The following ALOX12B variants were observed in gnomAD, a reference collection of about 807,000 sequenced individuals.
ALOX12B encodes the protein arachidonate 12-lipoxygenase, 12R type.
In ALOX12B, 47 loss-of-function variants were observed where a neutral mutation model predicts 78.9. The ratio of observed to expected loss-of-function variants is 0.60; its 90% CI spans 0.47 to 0.76. The LOEUF (loss-of-function observed/expected upper bound fraction) is 0.76, where lower values mean the gene tolerates loss of function less well. Among genes scored for constraint, ALOX12B ranks in the 30% least tolerant of loss-of-function variants. The pLI is 0.00. For synonymous variants in ALOX12B, 370 were observed against 374.5 expected (o/e 0.99, Z 0.14); for missense variants, 805 against 922.6 (o/e 0.87, Z 1.65).
In ALOX12B at chr17:8,073,732, C is replaced by T. The variant is rs1977028706; in HGVS notation, c.1680G>A (p.Val560=). 6.2e-7 allele frequency: 1 copy of T among 1,614,106 alleles called. No individual in the cohort carries two copies. Among genetic ancestry groups the T allele is most frequent in the African/African-American group, 1.3e-5 (1 of 75,048 alleles). Residue 560 remains valine, a synonymous_variant, in exon 13 of 15, where the codon GTG becomes GTA. Coordinates refer to ENST00000647874, the MANE Select transcript of ALOX12B (RefSeq NM_001139.3). The part of the protein sequence containing the change: ...SSGFPRCLRT[V]PELIRYVTIV... Reference sequence around the variant, plus strand: ...TAGTGACATATCGGATCAGCTCAGGCACGGTTCGCAAGCACCTAGGGAAGC... The same window carrying T: ...TAGTGACATATCGGATCAGCTCAGGTACGGTTCGCAAGCACCTAGGGAAGC...
intron 10 of ALOX12B, 58 bp from the exon 11 acceptor site, chr17:8,076,402 T>A (rs1977083893): frequency 6.5e-7 from 1 of 1,540,358 alleles, no homozygotes; most frequent in Admixed American, 2.0e-5. Flanking sequence ...CCCCTTCAGG[T>A]CCTCTAGGAT....
At chr17:8,081,884 C>A (rs575018633) in intron 2 of ALOX12B, among the ~76,000 whole-genome samples, 53 of 152,308 alleles carry the variant, frequency 3.5e-4, no homozygotes, top group African/African-American at 1.3e-3. Context: ...CTCAGGTCAT[C>A]TGCACGCCTC....
Position 8,079,597 on chromosome 17 carries a change from G to A in ALOX12B, c.928-58C>T. On this transcript the variant is annotated intron_variant, in intron 7 of 14. Coordinates refer to ENST00000647874, the MANE Select transcript of ALOX12B (RefSeq NM_001139.3). The surrounding 1 kb of genome is among the most constrained non-coding windows in gnomAD (Gnocchi z 6.4). The stretch of plus-strand genomic sequence containing the variant: ...CACCCACACGGGAAGCCCGTGACCC[G>A]CGCCGCAGGTGCACAGGGCGCTGGC... 3.2e-6 allele frequency: 5 copies of A among 1,544,738 alleles called. No homozygotes were observed. The highest frequency in any genetic ancestry group is 1.4e-5 in the African/African-American group (1 of 73,068).
At chr17:8,086,991 T>C (rs59079614) in intron 1 of ALOX12B, among the ~76,000 whole-genome samples, 4 of 151,708 alleles carry the variant, frequency 2.6e-5, no homozygotes, top group African/African-American at 9.7e-5. Context: ...AGATGAGGAA[T>C]GCCTGAAAGG....
chr17:8,075,803 A>G, intron 11 of ALOX12B, 87 bp from the exon 12 acceptor site: 3 of 1,609,730 alleles, frequency 1.9e-6, no homozygotes, highest in Non-Finnish European at 2.5e-6. Context: ...GGGTGCCCTG[A>G]CCTCAGTTGG....
chr17:8,084,744 G>C (rs1183868798), intron 2 of ALOX12B, among the ~76,000 whole-genome samples: 2 of 152,202 alleles, frequency 1.3e-5, no homozygotes, highest in Admixed American at 1.3e-4. Context: ...AGGGAGGATG[G>C]GGCTTCGGGC....
rs1384387066 is a variant in ALOX12B, at chr17:8,079,692, C to T, written c.927+77G>A. ...GCTTGCCTGGGACTGGCGCGGGCGC[C>T]GGAGGTGGGGAGAGACGGGGATGCC... is the stretch of plus-strand genomic sequence containing the variant. On this transcript the variant is annotated intron_variant, in intron 7 of 14. Coordinates refer to ENST00000647874, the MANE Select transcript of ALOX12B (RefSeq NM_001139.3). This position sits in a 1 kb window ranked among gnomAD's most constrained non-coding sequence, Gnocchi z 6.4. The T allele has an allele frequency of 6.4e-7, 1 of 1,553,868 alleles. No individual in the cohort carries two copies. Among genetic ancestry groups the T allele is most frequent in the Non-Finnish European group, 8.7e-7 (1 of 1,149,454 alleles).
Position 8,080,117 on chromosome 17 carries a change from A to G in ALOX12B, c.754+118T>C. 1.4e-6 allele frequency: 2 copies of G among 1,468,070 alleles called. No individual in the cohort carries two copies. The highest frequency in any genetic ancestry group is 1.9e-6 in the Non-Finnish European group (2 of 1,049,328). 90.9% of individuals were successfully genotyped at this position (1,468,070 alleles called of 1,614,324 possible). ...GCGACATTTTCCAAGAAGCCGCCAG[A>G]GGGCGCGCGCGCGCCTCGCTGCCTC... On this transcript the variant is annotated intron_variant, in intron 6 of 14. Transcript: ENST00000647874. This position sits in a 1 kb window ranked among gnomAD's most constrained non-coding sequence, Gnocchi z 4.8.
chr17:8,076,893 A>C, intron 9 of ALOX12B, 97 bp downstream of exon 9: 1 of 1,453,172 alleles, frequency 6.9e-7, no homozygotes, highest in South Asian at 1.2e-5. Context: ...CCCCAGGCTG[A>C]CTGGAGTCTC....
intron 11 of ALOX12B, 137 bp from the exon 12 acceptor site, chr17:8,075,853 T>A: frequency 7.0e-7 from 1 of 1,435,002 alleles, no homozygotes; most frequent in Non-Finnish European, 9.8e-7. Flanking sequence ...GCAAGTCCTG[T>A]GGGGCAGAAG....
chr17:8,087,596 T>A lies in ALOX12B; in HGVS notation c.-154A>T. The A allele has an allele frequency of 7.6e-7, 1 of 1,319,902 alleles. No individual in the cohort carries two copies. Among genetic ancestry groups the A allele is most frequent in the Non-Finnish European group, 1.0e-6 (1 of 953,096 alleles). 81.8% of individuals were successfully genotyped at this position (1,319,902 alleles called of 1,614,324 possible). ...TGGTGAGGTGGCGAGGTGGGGTGAC[T>A]AGGCCTGCCAGCCAAATTCTGGAAA... On this transcript the variant is annotated 5_prime_UTR_variant, in exon 1 of 15. Transcript: ENST00000647874.
rs1977167005 is a variant in ALOX12B, at chr17:8,079,744, G to A, written c.927+25C>T. Reference sequence around the variant, plus strand: ...GCGAGGGAGGCCGGGAGGAGGGCCGGGGTCTCCGCCGGAGCGGGCCTCACC... The same window carrying A: ...GCGAGGGAGGCCGGGAGGAGGGCCGAGGTCTCCGCCGGAGCGGGCCTCACC... On this transcript the variant is annotated intron_variant, in intron 7 of 14. Coordinates refer to ENST00000647874, the MANE Select transcript of ALOX12B (RefSeq NM_001139.3). The surrounding 1 kb of genome is among the most constrained non-coding windows in gnomAD (Gnocchi z 6.4). 6.2e-7 allele frequency: 1 copy of A among 1,604,816 alleles called. No homozygotes were observed. Among genetic ancestry groups the A allele is most frequent in the Admixed American group, 1.7e-5 (1 of 59,214 alleles).
At chr17:8,086,269 C>T in intron 1 of ALOX12B, 49 bp from the exon 2 acceptor site, 1 of 1,581,800 alleles carries the variant, frequency 6.3e-7, no homozygotes, top group Non-Finnish European at 8.6e-7. Flanking sequence ...CACCCCGGCT[C>T]CCAGGCCGCC....
intron 1 of ALOX12B, 28 bp from the exon 2 acceptor site, chr17:8,086,248 G>T (rs749076126): frequency 1.2e-6 from 2 of 1,609,980 alleles, no homozygotes; most frequent in East Asian, 4.5e-5. Context: ...CTGGCTGAGT[G>T]GGCAGGACTT....
intron 2 of ALOX12B, 61 bp downstream of exon 2, chr17:8,085,955 G>A: frequency 6.3e-6 from 10 of 1,588,700 alleles, no homozygotes; most frequent in Non-Finnish European, 7.8e-6. Context: ...CCATGCCAGG[G>A]TAGCAGGCTG....
At position 8,076,668 on chromosome 17, in the gene ALOX12B, G is replaced by GC. The variant is rs746723399; in HGVS notation, c.1350dup (p.Leu451AlafsTer27). The GC allele has an allele frequency of 3.8e-5, 59 of 1,551,164 alleles. No homozygotes were observed. The highest frequency in any genetic ancestry group is 4.8e-5 in the Non-Finnish European group (55 of 1,146,936). On this transcript the variant is annotated frameshift_variant, in exon 10 of 15. Coordinates refer to ENST00000647874, the MANE Select transcript of ALOX12B (RefSeq NM_001139.3). LOFTEE classifies it high-confidence loss of function. ...GGCAGAAGTCTTACCTTGGCAGAGA[G>GC]CCCCCCCTCATTGAGGAGAACGGCC...
In ALOX12B at chr17:8,079,476, C is replaced by T; in HGVS notation, c.991G>A (p.Gly331Ser). ...GGGGCGCAGTGGTGCTGCTTCCGGC[C>T]GCTGAGCTCCACGGTGGGGATGCCC... is the stretch of plus-strand genomic sequence containing the variant. ...MEGIPTVELS[G>S]RKQHHCAPLC... is the part of the protein sequence containing the mutation. The change falls in exon 8 of 15, where the codon GGC (glycine) becomes AGC (serine). Residue 331 changes from glycine to serine, a missense_variant. Transcript: ENST00000647874. The surrounding 1 kb of genome is among the most constrained non-coding windows in gnomAD (Gnocchi z 6.4). 6.4e-7 allele frequency: 1 copy of T among 1,550,986 alleles called. No homozygotes were observed.
chr17:8,076,198 C>A lies in ALOX12B; in HGVS notation c.1509G>T (p.Leu503Phe). The change falls in exon 11 of 15, where the codon TTG (leucine) becomes TTT (phenylalanine). Residue 503 changes from leucine to phenylalanine, a missense_variant. Coordinates refer to ENST00000647874, the MANE Select transcript of ALOX12B (RefSeq NM_001139.3). ...LPGYYYRDDS[L>F]AVWNALEKYV... Reference sequence around the variant, plus strand: ...ACTTCTCCAGTGCATTCCACACCGCCAAGCTGTCATCGCGGTAGTAATATC... The same window carrying A: ...ACTTCTCCAGTGCATTCCACACCGCAAAGCTGTCATCGCGGTAGTAATATC... 6.2e-7 allele frequency: 1 copy of A among 1,614,162 alleles called. No homozygotes were observed. Among genetic ancestry groups the A allele is most frequent in the South Asian group, 1.1e-5 (1 of 91,080 alleles).
chr17:8,077,257 C>T (rs990669110), intron 8 of ALOX12B, 64 bp from the exon 9 acceptor site: 78 of 1,495,828 alleles, frequency 5.2e-5, no homozygotes, highest in Middle Eastern at 5.1e-4. Flanking sequence ...AAGGCCCCAC[C>T]GCAGGAAGGA....
Sources: gnomAD v4.1 joint callset for allele counts (sites outside exome capture counted in the v4.1 genomes callset) on GRCh38, gnomAD v4.1.1 for gene constraint, Gnocchi (gnomAD v3.1) non-coding constraint, MANE v1.5 for transcripts, NCBI Gene and HGNC (gene_info 2026-07-23, HGNC 2026-07-21) for gene names.